The following EPHA5 variants were observed in gnomAD, a reference collection of about 807,000 sequenced individuals.
The protein encoded by EPHA5 is EPH receptor A5.
A neutral mutation model predicts 105.0 loss-of-function variants in EPHA5; 60 were observed. That is an observed-to-expected ratio of 0.57 (90% CI 0.46 to 0.71). The LOEUF is 0.71. Among genes scored for constraint, EPHA5 ranks in the 30% least tolerant of loss-of-function variants. The pLI is 0.00. For missense variants in EPHA5, 1,218 were observed against 1,274.7 expected, an observed-to-expected ratio of 0.96 and a Z score of 0.68; for synonymous variants, 513 against 449.1, an observed-to-expected ratio of 1.14 and a Z score of -1.80.
At chr4:65,520,066 C>A (rs939911480) in intron 3 of EPHA5, among the ~76,000 whole-genome samples, 5 of 152,104 alleles carry the variant, frequency 3.3e-5, no homozygotes, top group African/African-American at 4.8e-5. Flanking sequence ...GCCTGCATTG[C>A]CAAGACAATC....
chr4:65,458,381 C>T (rs373014322), intron 5 of EPHA5, among the ~76,000 whole-genome samples: 8 of 152,114 alleles, frequency 5.3e-5, no homozygotes, highest in Non-Finnish European at 1.0e-4. Context: ...CATTCTAAAT[C>T]TTTTATGCAT....
At chr4:65,356,657 A>G (rs751973670) in intron 11 of EPHA5, among the ~76,000 whole-genome samples, 17 of 151,684 alleles carry the variant, frequency 1.1e-4, no homozygotes, top group Middle Eastern at 3.4e-3. Flanking sequence ...CATATTTCAC[A>G]TGATGGGGGA....
chr4:65,530,453 G>C (rs1487333407), intron 3 of EPHA5, among the ~76,000 whole-genome samples: 1 of 151,880 alleles, frequency 6.6e-6, no homozygotes, highest in African/African-American at 2.4e-5. Flanking sequence ...TGATGTGTTT[G>C]TTGTGTGTGT....
At chr4:65,646,862 C>T (rs936588988) in intron 1 of EPHA5, among the ~76,000 whole-genome samples, 2 of 152,034 alleles carry the variant, frequency 1.3e-5, no homozygotes, top group Non-Finnish European at 2.9e-5. Context: ...CTATATAACA[C>T]CACTAAATTA....
chr4:65,385,858 T>C (rs1402271487), intron 8 of EPHA5, among the ~76,000 whole-genome samples: 2 of 151,780 alleles, frequency 1.3e-5, no homozygotes, highest in East Asian at 1.9e-4. Flanking sequence ...AATATTTATA[T>C]TTGTATAATA....
At chr4:65,402,821 A>G (rs956956416) in intron 8 of EPHA5, among the ~76,000 whole-genome samples, 2 of 152,164 alleles carry the variant, frequency 1.3e-5, no homozygotes, top group African/African-American at 4.8e-5. Context: ...CCTAGTAGTT[A>G]CAGTTCTTGC....
chr4:65,342,943 T>G (rs1229610098), intron 14 of EPHA5, among the ~76,000 whole-genome samples: 1 of 152,004 alleles, frequency 6.6e-6, no homozygotes, highest in East Asian at 2.0e-4. Flanking sequence ...GGATTAAAAC[T>G]GGCCAGAAAA....
chr4:65,458,913 T>G (rs2149126018), intron 5 of EPHA5, among the ~76,000 whole-genome samples: 1 of 152,212 alleles, frequency 6.6e-6, no homozygotes. Context: ...AGTTAACATA[T>G]TCATTAATAT....
chr4:65,336,603 G>C lies in EPHA5; in HGVS notation c.2596-478C>G, dbSNP rs559027408. Among the ~76,000 whole-genome samples, 3 of 152,158 alleles carry C rather than the reference G, an allele frequency of 2.0e-5. No individual in the cohort carries two copies. The South Asian group carries it at 6.2e-4, about 32-fold the overall frequency. On this transcript the variant is annotated intron_variant, in intron 14 of 16. Coordinates refer to ENST00000613740, the MANE Select transcript of EPHA5 (RefSeq NM_001281766.3). The stretch of plus-strand genomic sequence containing the variant: ...AGAGACTTTTCGATGGTAAATGATG[G>C]ATAAGTCAAAGGCTAAATTAGCATA...
intron 11 of EPHA5, among the ~76,000 whole-genome samples, chr4:65,356,107 C>T (rs186400183): frequency 6.6e-5 from 10 of 151,608 alleles, no homozygotes; most frequent in East Asian, 3.9e-4. Context: ...CATGAACAGA[C>T]GCTGTGCTCC....
intron 3 of EPHA5, among the ~76,000 whole-genome samples, chr4:65,508,814 A>C (rs546582956): frequency 6.6e-6 from 1 of 152,214 alleles, no homozygotes; most frequent in East Asian, 1.9e-4. Flanking sequence ...TAAAAACAAA[A>C]AGAAGTGTTA....
chr4:65,501,316 T>G (rs1339341658), intron 3 of EPHA5, among the ~76,000 whole-genome samples: 2 of 151,518 alleles, frequency 1.3e-5, no homozygotes. Flanking sequence ...GAAGTCAAAC[T>G]ACTTCTCTTC....
intron 2 of EPHA5, among the ~76,000 whole-genome samples, chr4:65,622,556 A>G (rs1745794782): frequency 6.6e-6 from 1 of 152,146 alleles, no homozygotes; most frequent in Non-Finnish European, 1.5e-5. Context: ...TAAATGTAGT[A>G]CTATTTCACA....
chr4:65,543,164 G>A (rs2149325302), intron 3 of EPHA5, among the ~76,000 whole-genome samples: 1 of 152,024 alleles, frequency 6.6e-6, no homozygotes, highest in African/African-American at 2.4e-5. Flanking sequence ...ACTAACACAA[G>A]ACAAGGATGC....
At chr4:65,544,118 A>AT (rs1737134663) in intron 3 of EPHA5, among the ~76,000 whole-genome samples, 1 of 152,160 alleles carries the variant, frequency 6.6e-6, no homozygotes, top group South Asian at 2.1e-4. Flanking sequence ...AAAAACATAA[A>AT]AACAGTAGAA....
intron 1 of EPHA5, among the ~76,000 whole-genome samples, chr4:65,647,752 G>T (rs1434716814): frequency 6.6e-6 from 1 of 152,048 alleles, no homozygotes; most frequent in South Asian, 2.1e-4. Context: ...TTTTCCCTGA[G>T]CCATTGTATA....
intron 3 of EPHA5, among the ~76,000 whole-genome samples, chr4:65,557,768 A>G (rs1240395012): frequency 6.6e-6 from 1 of 152,136 alleles, no homozygotes; most frequent in Non-Finnish European, 1.5e-5. Flanking sequence ...CAAGGGAAGG[A>G]GCTGTAAAGG....
intron 5 of EPHA5, among the ~76,000 whole-genome samples, chr4:65,454,879 C>T (rs1468792364): frequency 1.3e-5 from 2 of 152,126 alleles, no homozygotes; most frequent in South Asian, 2.1e-4. Context: ...AGAGAGATGC[C>T]TATGTTAGTC....
intron 5 of EPHA5, among the ~76,000 whole-genome samples, chr4:65,447,169 C>T (rs186569304): frequency 2.6e-5 from 4 of 151,250 alleles, no homozygotes; most frequent in Non-Finnish European, 4.4e-5. Flanking sequence ...ACTTATTGTT[C>T]TTCTGATTAC....
Sources: gnomAD v4.1 joint callset for allele counts (sites outside exome capture counted in the v4.1 genomes callset) on GRCh38, gnomAD v4.1.1 for gene constraint, MANE v1.5 for transcripts, NCBI Gene and HGNC (gene_info 2026-07-23, HGNC 2026-07-21) for gene names.